PRKG1: variants seen among roughly 807,000 people sequenced by gnomAD.
PRKG1 encodes protein kinase cGMP-dependent 1, also known as cGMP-dependent protein kinase 1.
PRKG1 carries 35 observed loss-of-function variants against 88.1 expected under a neutral mutation model. The ratio of observed to expected loss-of-function variants is 0.40; its 90% CI spans 0.30 to 0.53. The LOEUF is 0.53. PRKG1 is among the 20% of genes least tolerant of loss of function. PRKG1 has a pLI of 0.59. For synonymous variants in PRKG1, 303 were observed against 292.5 expected (o/e 1.04, Z -0.37); for missense variants, 540 against 839.8 (o/e 0.64, Z 4.41).
chr10:51,475,441 C>T (rs1421089962), intron 3 of PRKG1, among the ~76,000 whole-genome samples: 1 of 151,906 alleles, frequency 6.6e-6, no homozygotes, highest in Non-Finnish European at 1.5e-5. Context: ...CTGAACTATA[C>T]CCTATAGCTG....
chr10:52,241,455 G>A, intron 9 of PRKG1, among the ~76,000 whole-genome samples: 1 of 152,178 alleles, frequency 6.6e-6, no homozygotes, highest in East Asian at 1.9e-4. Context: ...TTGGCCTGGG[G>A]CTAGCTTCCT....
At chr10:51,884,726 G>T (rs1159030089) in intron 4 of PRKG1, among the ~76,000 whole-genome samples, 1 of 152,222 alleles carries the variant, frequency 6.6e-6, no homozygotes, top group Non-Finnish European at 1.5e-5. Context: ...AGTAGTTTAG[G>T]ATGAGATTCT....
chr10:51,839,362 C>G (rs1184858490), intron 4 of PRKG1, among the ~76,000 whole-genome samples: 1 of 152,130 alleles, frequency 6.6e-6, no homozygotes, highest in Non-Finnish European at 1.5e-5. Context: ...ATAAATATGT[C>G]TTCTACTTCC....
chr10:51,821,159 A>G (rs7083566), intron 4 of PRKG1, among the ~76,000 whole-genome samples: 31,823 of 152,042 alleles, frequency 0.21, 5,354 homozygotes, highest in African/African-American at 0.47. Flanking sequence ...TAGAAGAGTC[A>G]TACCTTTTGC....
At chr10:52,262,114 A>G (rs1373259159) in intron 10 of PRKG1, among the ~76,000 whole-genome samples, 3 of 152,146 alleles carry the variant, frequency 2.0e-5, no homozygotes, top group Non-Finnish European at 4.4e-5. Context: ...AACAGATTTA[A>G]TTATCAGTTG....
intron 14 of PRKG1, among the ~76,000 whole-genome samples, chr10:52,284,428 T>TA (rs1376177738): frequency 7.0e-5 from 8 of 114,512 alleles, no homozygotes; most frequent in Non-Finnish European, 1.0e-4. Context: ...ACAACAGCAT[T>TA]AAAAAAATCT....
At chr10:51,194,493 C>T (rs900364406) in intron 2 of PRKG1, among the ~76,000 whole-genome samples, 6 of 151,940 alleles carry the variant, frequency 3.9e-5, no homozygotes, top group African/African-American at 1.5e-4. Context: ...AGTAATTATC[C>T]TCTGTTGAAT....
At chr10:51,204,221 G>A (rs1837985660) in intron 2 of PRKG1, among the ~76,000 whole-genome samples, 1 of 152,112 alleles carries the variant, frequency 6.6e-6, no homozygotes, top group Non-Finnish European at 1.5e-5. Context: ...AGTTGCAGCT[G>A]GCTTAGCACA....
chr10:51,348,969 T>G (rs1350624621), intron 2 of PRKG1, among the ~76,000 whole-genome samples: 1 of 152,148 alleles, frequency 6.6e-6, no homozygotes, highest in Non-Finnish European at 1.5e-5. Context: ...AGATATAAAA[T>G]AGCTCACTTG....
intron 5 of PRKG1, among the ~76,000 whole-genome samples, chr10:51,929,029 C>A (rs1418776162): frequency 6.6e-6 from 1 of 152,006 alleles, no homozygotes; most frequent in Non-Finnish European, 1.5e-5. Flanking sequence ...CCATACCAGA[C>A]CAAAACAATA....
At chr10:52,127,339 C>T in intron 7 of PRKG1, among the ~76,000 whole-genome samples, 1 of 151,984 alleles carries the variant, frequency 6.6e-6, no homozygotes, top group East Asian at 1.9e-4. Context: ...ATGGGACTTC[C>T]AGATAGAAGT....
At chr10:51,303,030 C>T (rs553255112) in intron 2 of PRKG1, among the ~76,000 whole-genome samples, 11 of 152,162 alleles carry the variant, frequency 7.2e-5, no homozygotes, top group African/African-American at 2.6e-4. Context: ...ATAAAGTAAG[C>T]CCCAGGGAAT....
chr10:51,527,988 T>C (rs942219879), intron 3 of PRKG1, among the ~76,000 whole-genome samples: 1 of 152,170 alleles, frequency 6.6e-6, no homozygotes, highest in East Asian at 1.9e-4. Context: ...ATACTGACCA[T>C]TAAAACCTTG....
chr10:51,223,071 C>T (rs1838593851), intron 2 of PRKG1, among the ~76,000 whole-genome samples: 1 of 151,842 alleles, frequency 6.6e-6, no homozygotes, highest in Admixed American at 6.6e-5. Flanking sequence ...TCACAAAATA[C>T]AAGTAAACAA....
At chr10:52,238,513 C>T (rs1564527683) in intron 9 of PRKG1, among the ~76,000 whole-genome samples, 1 of 151,938 alleles carries the variant, frequency 6.6e-6, no homozygotes, top group Non-Finnish European at 1.5e-5. Flanking sequence ...GGGTGAAGGA[C>T]ATGAACAGAC....
At chr10:51,350,575 C>T (rs1320150782) in intron 2 of PRKG1, among the ~76,000 whole-genome samples, 2 of 152,072 alleles carry the variant, frequency 1.3e-5, no homozygotes, top group African/African-American at 4.8e-5. Flanking sequence ...GAAGTCTTAG[C>T]GAGAGAGATC....
At chr10:51,263,678 A>G (rs952399519) in intron 2 of PRKG1, among the ~76,000 whole-genome samples, 6 of 152,210 alleles carry the variant, frequency 3.9e-5, no homozygotes, top group Non-Finnish European at 8.8e-5. Context: ...GATAAAGTAG[A>G]TTGGTGGTTA....
At chr10:51,058,463 C>G (rs1461811708) in intron 1 of PRKG1, among the ~76,000 whole-genome samples, 3 of 151,994 alleles carry the variant, frequency 2.0e-5, no homozygotes, top group Non-Finnish European at 4.4e-5. Flanking sequence ...CCCCAGTATC[C>G]AGTATTCATA....
At chr10:52,189,724 G>A (rs1839316854) in intron 9 of PRKG1, among the ~76,000 whole-genome samples, 1 of 152,086 alleles carries the variant, frequency 6.6e-6, no homozygotes, top group Non-Finnish European at 1.5e-5. Context: ...TCATGCTCTG[G>A]TGGATTTATT....
Sources: allele counts gnomAD v4.1 joint callset (sites outside exome capture counted in the v4.1 genomes callset), GRCh38; gene constraint gnomAD v4.1.1; transcripts MANE v1.5; gene names NCBI Gene and HGNC (gene_info 2026-07-23, HGNC 2026-07-21).